RIMS2: variants seen among roughly 807,000 people sequenced by gnomAD.
The protein encoded by RIMS2 is regulating synaptic membrane exocytosis protein 2.
In RIMS2, 59 loss-of-function variants were observed where a neutral mutation model predicts 174.4. The ratio of observed to expected loss-of-function variants is 0.34; its 90% CI spans 0.27 to 0.42. The LOEUF (loss-of-function observed/expected upper bound fraction) is 0.42. RIMS2 is among the 10% of genes least tolerant of loss of function. RIMS2 has a pLI of 1.00. For synonymous variants in RIMS2, 606 were observed against 572.5 expected (o/e 1.06, Z -0.84); for missense variants, 1,620 against 1,666.3 (o/e 0.97, Z 0.48).
At chr8:104,234,805 TC>T (rs2099250199) in intron 19 of RIMS2, among the ~76,000 whole-genome samples, 1 of 152,144 alleles carries the variant, frequency 6.6e-6, no homozygotes, top group African/African-American at 2.4e-5. Context: ...TCTGGCTTGA[TC>T]CCTCTGTTTT....
At chr8:103,512,928 A>G (rs1827250605) in intron 1 of RIMS2, among the ~76,000 whole-genome samples, 1 of 152,214 alleles carries the variant, frequency 6.6e-6, no homozygotes, top group Non-Finnish European at 1.5e-5. Context: ...TGAAGCTGAT[A>G]AACTAAATCA....
chr8:103,649,211 C>T (rs988584665), intron 1 of RIMS2, among the ~76,000 whole-genome samples: 1 of 151,952 alleles, frequency 6.6e-6, no homozygotes, highest in South Asian at 2.1e-4. Flanking sequence ...TTAGTTTGGG[C>T]GAATATGCAG....
intron 1 of RIMS2, among the ~76,000 whole-genome samples, chr8:103,556,225 A>G (rs1214976365): frequency 6.6e-6 from 1 of 152,170 alleles, no homozygotes; most frequent in East Asian, 1.9e-4. Flanking sequence ...ATATGAGGTA[A>G]TGCATTTGTT....
chr8:103,698,866 A>G (rs1348683727), intron 2 of RIMS2, among the ~76,000 whole-genome samples: 2 of 152,116 alleles, frequency 1.3e-5, no homozygotes, highest in African/African-American at 4.8e-5. Context: ...TGGTTTTGGT[A>G]TTGGGATAAT....
intron 19 of RIMS2, among the ~76,000 whole-genome samples, chr8:104,030,030 A>G (rs1280339720): frequency 6.6e-6 from 1 of 152,158 alleles, no homozygotes; most frequent in Admixed American, 6.6e-5. Flanking sequence ...ATTTGATGTT[A>G]CAGTATAGCA....
intron 4 of RIMS2, chr8:103,910,113 T>C (rs898226540): frequency 5.2e-6 from 8 of 1,542,386 alleles, no homozygotes; most frequent in Non-Finnish European, 7.1e-6. Context: ...TTTACTGCAC[T>C]CTTTTGTCTG....
At chr8:104,204,879 G>A (rs1026654755) in intron 19 of RIMS2, among the ~76,000 whole-genome samples, 1 of 152,134 alleles carries the variant, frequency 6.6e-6, no homozygotes, top group Non-Finnish European at 1.5e-5. Context: ...TAAGGCTATT[G>A]TTTGAAAATA....
At chr8:104,073,420 A>C (rs983789637) in intron 19 of RIMS2, among the ~76,000 whole-genome samples, 2 of 152,234 alleles carry the variant, frequency 1.3e-5, no homozygotes, top group Admixed American at 1.3e-4. Context: ...TTATTGGCAC[A>C]GTATTTATTG....
chr8:103,952,264 G>T (rs915278840), intron 14 of RIMS2, among the ~76,000 whole-genome samples: 6 of 152,182 alleles, frequency 3.9e-5, no homozygotes, highest in African/African-American at 1.4e-4. Flanking sequence ...CTCCGATAAG[G>T]GACAGACTGC....
intron 19 of RIMS2, among the ~76,000 whole-genome samples, chr8:104,028,483 A>G (rs2096306305): frequency 6.6e-6 from 1 of 152,182 alleles, no homozygotes; most frequent in African/African-American, 2.4e-5. Context: ...ACTTTTAATT[A>G]CATGCCATTT....
chr8:104,055,285 C>A (rs1214254750), intron 19 of RIMS2, among the ~76,000 whole-genome samples: 2 of 151,880 alleles, frequency 1.3e-5, no homozygotes, highest in Non-Finnish European at 2.9e-5. Context: ...AAATTTAGAT[C>A]CCAGATATGG....
intron 1 of RIMS2, among the ~76,000 whole-genome samples, chr8:103,669,280 T>A (rs945954409): frequency 3.3e-5 from 5 of 152,046 alleles, no homozygotes; most frequent in African/African-American, 1.2e-4. Context: ...TTCAGTTGTC[T>A]CCCCCTGGGT....
chr8:103,560,016 T>G (rs2091326357), intron 1 of RIMS2, among the ~76,000 whole-genome samples: 1 of 152,252 alleles, frequency 6.6e-6, no homozygotes, highest in Non-Finnish European at 1.5e-5. Context: ...TATGCTTTAC[T>G]GCCCTTTGAC....
intron 3 of RIMS2, among the ~76,000 whole-genome samples, chr8:103,808,508 C>T (rs1377976261): frequency 6.6e-6 from 1 of 152,146 alleles, no homozygotes; most frequent in Non-Finnish European, 1.5e-5. Context: ...CTCTTCTGAA[C>T]TGCAGAGTGA....
intron 19 of RIMS2, among the ~76,000 whole-genome samples, chr8:104,101,004 A>G (rs1234938819): frequency 7.0e-6 from 1 of 142,932 alleles, no homozygotes; most frequent in Non-Finnish European, 1.5e-5. Flanking sequence ...TATGTTATAT[A>G]TGATATATTA....
At chr8:103,671,875 AC>A (rs1239114852) in intron 1 of RIMS2, among the ~76,000 whole-genome samples, 46 of 152,194 alleles carry the variant, frequency 3.0e-4, no homozygotes, top group African/African-American at 1.1e-3. Context: ...TTCTTATTTG[AC>A]AATGCTTCCC....
At chr8:104,027,872 A>G (rs2096288718) in intron 19 of RIMS2, among the ~76,000 whole-genome samples, 2 of 152,184 alleles carry the variant, frequency 1.3e-5, no homozygotes, top group South Asian at 2.1e-4. Context: ...ATGTGATGCC[A>G]TCTGTGAAAG....
intron 19 of RIMS2, among the ~76,000 whole-genome samples, chr8:104,030,233 C>T (rs906305254): frequency 6.6e-6 from 1 of 152,114 alleles, no homozygotes; most frequent in African/African-American, 2.4e-5. Flanking sequence ...ATGCCATAAT[C>T]CCAGCTACTC....
At chr8:103,956,153 A>G (rs2087124502) in intron 14 of RIMS2, among the ~76,000 whole-genome samples, 1 of 152,228 alleles carries the variant, frequency 6.6e-6, no homozygotes, top group Non-Finnish European at 1.5e-5. Context: ...GGAAGAACCA[A>G]AACTCAAAAT....
Sources: allele counts gnomAD v4.1 joint callset (sites outside exome capture counted in the v4.1 genomes callset), GRCh38; gene constraint gnomAD v4.1.1; transcripts MANE v1.5; gene names NCBI Gene and HGNC (gene_info 2026-07-23, HGNC 2026-07-21).